STAT3: variants seen among roughly 807,000 people sequenced by gnomAD.
The protein encoded by STAT3 is DNA-binding protein APRF.
In STAT3, 7 loss-of-function variants were observed where a neutral mutation model predicts 114.3. The ratio of observed to expected loss-of-function variants is 0.06; its 90% CI spans 0.03 to 0.11. STAT3 has a LOEUF of 0.11. Ranked by LOEUF, STAT3 falls within the 10% of genes least tolerant of loss-of-function variation. STAT3 has a pLI of 1.00. For synonymous variants in STAT3, 331 were observed against 354.5 expected (o/e 0.93, Z 0.74); for missense variants, 364 against 960.9 (o/e 0.38, Z 8.21).
chr17:42,345,355 C>A, intron 4 of STAT3: 1 of 547,602 alleles, frequency 1.8e-6, no homozygotes, highest in Non-Finnish European at 3.2e-6. Flanking sequence ...TTTGGTGGAA[C>A]TTTCTTTTTT....
intron 1 of STAT3, among the ~76,000 whole-genome samples, chr17:42,367,683 C>G (rs1256128125): frequency 2.6e-5 from 4 of 152,178 alleles, no homozygotes; most frequent in African/African-American, 7.2e-5. Flanking sequence ...TTCTCCTTTA[C>G]AGTACTCATC....
intron 4 of STAT3, among the ~76,000 whole-genome samples, chr17:42,340,524 T>TAA (rs1567724245): frequency 2.1e-5 from 3 of 146,086 alleles, no homozygotes; most frequent in Non-Finnish European, 4.7e-5. Flanking sequence ...AAAAAAAATT[T>TAA]TTTTTTAACT....
chr17:42,371,663 C>CTGT (rs2084148230), intron 1 of STAT3, among the ~76,000 whole-genome samples: 1 of 98,586 alleles, frequency 1.0e-5, no homozygotes, highest in African/African-American at 4.1e-5. Context: ...TCAACAGGAG[C>CTGT]AAAACTCTGT....
At chr17:42,380,029 G>A (rs558707868) in intron 1 of STAT3, among the ~76,000 whole-genome samples, 2 of 151,950 alleles carry the variant, frequency 1.3e-5, no homozygotes, top group Non-Finnish European at 2.9e-5. Context: ...TTTTTGATAT[G>A]ACAGTTTTTT....
intron 1 of STAT3, among the ~76,000 whole-genome samples, chr17:42,355,476 C>A (rs914623729): frequency 1.3e-5 from 2 of 152,138 alleles, no homozygotes; most frequent in Non-Finnish European, 2.9e-5. Context: ...CAATTCAAAG[C>A]ATTTACTCAG....
Position 42,326,045 on chromosome 17 carries a change from A to C in STAT3, c.1365+71T>G, listed in dbSNP as rs45471098. On this transcript the variant is annotated intron_variant, in intron 15 of 23. Transcript: ENST00000264657. ...AATCATTCCACCTTCTCTTGTAAAA[A>C]TCCCAGTGGAAGTTTTTGTCCTGAG... 601 of 1,326,470 alleles carry C rather than the reference A, an allele frequency of 4.5e-4. 1 individual carries two copies. The African/African-American group carries it at 7.9e-3, about 18-fold the overall frequency. 82.2% of individuals were successfully genotyped at this position (1,326,470 alleles called of 1,614,324 possible).
chr17:42,379,872 G>A (rs2084677510), intron 1 of STAT3, among the ~76,000 whole-genome samples: 1 of 152,068 alleles, frequency 6.6e-6, no homozygotes, highest in African/African-American at 2.4e-5. Context: ...CAGAATGTAA[G>A]TCCCCCATCC....
Position 42,313,528 on chromosome 17 carries a change from C to T in STAT3, c.*2217G>A, listed in dbSNP as rs576615644. 4.8e-5 allele frequency: 11 copies of T among 230,940 alleles called. No individual in the cohort carries two copies. Among genetic ancestry groups the T allele is most frequent in the South Asian group, 1.8e-4 (1 of 5,496 alleles). The allele number at this position is 230,940 out of a possible 1,614,324, so 14.3% of individuals were successfully genotyped here. ...AGGTAAGCAACCCACGGGATTCCCT[C>T]GGCTGGGCTGGGGATGGGGAGGGGG... On this transcript the variant is annotated 3_prime_UTR_variant, in exon 24 of 24. Coordinates refer to ENST00000264657, the MANE Select transcript of STAT3 (RefSeq NM_139276.3).
chr17:42,326,508 A>G (rs899466849), intron 14 of STAT3, among the ~76,000 whole-genome samples: 1 of 151,196 alleles, frequency 6.6e-6, no homozygotes, highest in African/African-American at 2.4e-5. Flanking sequence ...ACCCTGTCTT[A>G]AAAAAAAATT....
rs1598406213 is a variant in STAT3 at position 42,329,585 on chromosome 17, T to C, written c.1202A>G (p.Asn401Ser). ...TKVMNMEESN[N>S]GSLSAEFKHL... is the part of the protein sequence containing the mutation. ...TTTGAATTCTGCAGAGAGGCTGCCG[T>C]TGTTGGATTCTTCCATGTTCATCAC... The change falls in exon 13 of 24, where the codon AAC (asparagine) becomes AGC (serine). Residue 401 changes from asparagine (N) to serine (S), a missense_variant. By Grantham distance (46) the Asn-to-Ser change is conservative. This residue lies in a region of STAT3 where 294 missense variants were observed against 745.1 expected (regional missense o/e 0.39). Coordinates refer to ENST00000264657, the MANE Select transcript of STAT3 (RefSeq NM_139276.3). 1 of 1,614,272 alleles carries C rather than the reference T, an allele frequency of 6.2e-7. No individual in the cohort carries two copies. Among genetic ancestry groups the C allele is most frequent in the Non-Finnish European group, 8.5e-7 (1 of 1,180,044 alleles).
intron 17 of STAT3, 149 bp from the exon 18 acceptor site, chr17:42,323,774 T>A: frequency 1.3e-6 from 1 of 789,968 alleles, no homozygotes; most frequent in Non-Finnish European, 2.1e-6. Flanking sequence ...GTTGTGTGTG[T>A]GCACATGAGG....
rs533367898 is a variant in STAT3 at position 42,368,613 on chromosome 17, C to T, written c.-24+19666G>A. 2.5e-3 allele frequency among the ~76,000 whole-genome samples: 380 copies of T among 152,220 alleles called. 1 individual carries two copies. The highest frequency in any genetic ancestry group is 8.7e-3 in the African/African-American group (363 of 41,522). ...TAGCTGGGACTGCAGGCATGCACCA[C>T]CACACCTGGCTAATTTTTGAATTTT... is the stretch of plus-strand genomic sequence containing the variant. On this transcript the variant is annotated intron_variant, in intron 1 of 23. Transcript: ENST00000264657.
chr17:42,332,075 G>A (rs528819921), intron 10 of STAT3, among the ~76,000 whole-genome samples: 129 of 151,654 alleles, frequency 8.5e-4, no homozygotes, highest in African/African-American at 2.1e-3. Flanking sequence ...TTACAGGCGC[G>A]CGCCACCACG....
intron 1 of STAT3, among the ~76,000 whole-genome samples, chr17:42,371,873 C>T (rs926872004): frequency 2.6e-5 from 4 of 151,436 alleles, no homozygotes; most frequent in Admixed American, 2.6e-4. Context: ...ATCCCAGCTA[C>T]TTGGGAGGCT....
At chr17:42,360,365 CCAGGCTCAGTGGCT>C (rs2083453458) in intron 1 of STAT3, among the ~76,000 whole-genome samples, 1 of 151,560 alleles carries the variant, frequency 6.6e-6, no homozygotes, top group Admixed American at 6.6e-5. Context: ...GGAATTTTGG[CCAGGCTCAGTGGCT>C]CACGCCTGTA....
In STAT3 at chr17:42,370,556, G is replaced by A. The variant is rs148926548; in HGVS notation, c.-24+17723C>T. On this transcript the variant is annotated intron_variant, in intron 1 of 23. Coordinates refer to ENST00000264657, the MANE Select transcript of STAT3 (RefSeq NM_139276.3). ...TGGGATTACAGGCGTGAGCCACCGC[G>A]CCCAGCCATCTTCTCATTTCTTTGG... Among the ~76,000 whole-genome samples, 1,248 of 147,984 alleles carry A rather than the reference G, an allele frequency of 8.4e-3. 23 individuals are homozygous for A. The highest frequency in any genetic ancestry group is 0.029 in the African/African-American group (1,175 of 40,148).
chr17:42,331,156 G>C (rs762147152), intron 11 of STAT3, among the ~76,000 whole-genome samples: 2 of 152,156 alleles, frequency 1.3e-5, no homozygotes, highest in Non-Finnish European at 2.9e-5. Context: ...TTTGCAGAAC[G>C]TATCCCAGTC....
intron 17 of STAT3, 75 bp from the exon 18 acceptor site, chr17:42,323,700 A>T: frequency 2.1e-6 from 3 of 1,395,964 alleles, no homozygotes; most frequent in Non-Finnish European, 3.0e-6. Context: ...AACAGAACAC[A>T]CACACATTCA....
intron 1 of STAT3, 94 bp downstream of exon 1, chr17:42,388,185 T>C: frequency 8.2e-7 from 1 of 1,213,778 alleles, no homozygotes; most frequent in Non-Finnish European, 1.0e-6. Flanking sequence ...GCAGCGTCCA[T>C]CACAACATCC....
Sources: gnomAD v4.1 joint callset for allele counts (sites outside exome capture counted in the v4.1 genomes callset) on GRCh38, gnomAD v4.1.1 for gene constraint, gnomAD v4.1.1 regional missense constraint, MANE v1.5 for transcripts, NCBI Gene and HGNC (gene_info 2026-07-23, HGNC 2026-07-21) for gene names.